ERP27: variants seen among roughly 807,000 people sequenced by gnomAD.
ERP27 encodes endoplasmic reticulum resident protein 27.
Under a neutral mutation model 27.7 loss-of-function variants are expected in ERP27, and 23 were observed. The ratio of observed to expected loss-of-function variants is 0.83; its 90% CI spans 0.60 to 1.18. ERP27 has a LOEUF of 1.18. Ranked by LOEUF, ERP27 falls within the 50% of genes most tolerant of loss-of-function variation. ERP27 has a pLI of 0.00. For synonymous variants in ERP27, 159 were observed against 118.3 expected (o/e 1.34, Z -2.23); for missense variants, 363 against 327.9 (o/e 1.11, Z -0.83).
intron 3 of ERP27, among the ~76,000 whole-genome samples, chr12:14,926,563 T>G (rs1863605748): frequency 6.6e-6 from 1 of 152,232 alleles, no homozygotes; most frequent in Non-Finnish European, 1.5e-5. Flanking sequence ...CTTCTTTCCC[T>G]TTATTGGCTT....
chr12:14,917,496 C>A (rs1425516143), intron 4 of ERP27, among the ~76,000 whole-genome samples, 193 bp from the exon 5 acceptor site: 4 of 136,462 alleles, frequency 2.9e-5, no homozygotes, highest in Non-Finnish European at 6.6e-5. Context: ...ATCCTTCCTT[C>A]CCACCCTGAA....
chr12:14,920,935 A>G lies in ERP27; in HGVS notation c.447T>C (p.Pro149=). Residue 149 remains proline, a synonymous_variant, in exon 4 of 7, where the codon CCT becomes CCC. Coordinates refer to ENST00000266397, the MANE Select transcript of ERP27 (RefSeq NM_152321.4). The part of the protein sequence containing the change: ...NSLHMVTEYN[P]VTVIGLFNSV... The stretch of plus-strand genomic sequence containing the variant: ...AAGAACAGGAAGTATTGTTTACCAC[A>G]GGGTTGTACTCTGTCACCATGTGGA... 2 of 1,613,414 alleles carry G rather than the reference A, an allele frequency of 1.2e-6. No homozygotes were observed. The highest frequency in any genetic ancestry group is 8.5e-7 in the Non-Finnish European group (1 of 1,179,384).
chr12:14,933,540 A>C (rs1863729581), intron 3 of ERP27, among the ~76,000 whole-genome samples: 1 of 152,202 alleles, frequency 6.6e-6, no homozygotes, highest in African/African-American at 2.4e-5. Flanking sequence ...ACAGTACAAA[A>C]TACACTTAAA....
At chr12:14,920,252 A>C (rs566569514) in intron 4 of ERP27, among the ~76,000 whole-genome samples, 1 of 152,342 alleles carries the variant, frequency 6.6e-6, no homozygotes, top group South Asian at 2.1e-4. Context: ...TGCAGCATGC[A>C]ACACCAGAGG....
chr12:14,921,578 T>G (rs1863504846), intron 3 of ERP27, among the ~76,000 whole-genome samples: 1 of 152,202 alleles, frequency 6.6e-6, no homozygotes, highest in South Asian at 2.1e-4. Context: ...GGGGGGTCAT[T>G]GGCAAGGTCA....
chr12:14,922,941 C>A (rs1027693065), intron 3 of ERP27, among the ~76,000 whole-genome samples: 1 of 151,936 alleles, frequency 6.6e-6, no homozygotes, highest in East Asian at 1.9e-4. Context: ...TGGTGGTGCA[C>A]GCCTGTAATG....
chr12:14,928,953 C>T (rs1441275767), intron 3 of ERP27: 1 of 1,535,278 alleles, frequency 6.5e-7, no homozygotes, highest in African/African-American at 1.4e-5. Context: ...ACCTGTATTT[C>T]CAGCTGGCAA....
chr12:14,930,322 C>T (rs1181757469), intron 3 of ERP27, among the ~76,000 whole-genome samples: 1 of 152,068 alleles, frequency 6.6e-6, no homozygotes, highest in African/African-American at 2.4e-5. Context: ...AATAGTTACC[C>T]AATAAATAAC....
intron 3 of ERP27, among the ~76,000 whole-genome samples, chr12:14,931,516 G>A (rs967691824): frequency 5.9e-5 from 9 of 152,300 alleles, no homozygotes; most frequent in African/African-American, 1.9e-4. Flanking sequence ...CAGTGAAGTA[G>A]GGCAGGAACC....
At position 14,915,741 on chromosome 12, in the gene ERP27, T is replaced by A. The variant is rs201790295; in HGVS notation, c.577-55A>T. 8 of 1,489,324 alleles carry A rather than the reference T, an allele frequency of 5.4e-6. No homozygotes were observed. The East Asian group carries it at 1.8e-4, about 34-fold the overall frequency. The allele number at this position is 1,489,324 out of a possible 1,614,324, so 92.3% of individuals were successfully genotyped here. A position where few individuals can be genotyped will look rare whatever the true frequency, so the allele number is the denominator to read the frequency against. ...TTCTATCTGAGGTGACGTCCAGGGA[T>A]AAAGAGATACCTTGTAATTGTTGCA... On this transcript the variant is annotated intron_variant, in intron 5 of 6. Transcript: ENST00000266397.
At chr12:14,926,069 C>CAAAAA (rs35554311) in intron 3 of ERP27, among the ~76,000 whole-genome samples, 1 of 139,316 alleles carries the variant, frequency 7.2e-6, no homozygotes. Flanking sequence ...ACTCTGTCTC[C>CAAAAA]AAAAAAAAAA....
intron 3 of ERP27, among the ~76,000 whole-genome samples, chr12:14,923,093 T>A (rs906804851): frequency 2.1e-5 from 3 of 141,006 alleles, no homozygotes; most frequent in East Asian, 2.2e-4. Flanking sequence ...AAAAAAAAAA[T>A]GCTAAGATCC....
chr12:14,923,441 T>G (rs1863540609), intron 3 of ERP27, among the ~76,000 whole-genome samples: 1 of 151,414 alleles, frequency 6.6e-6, no homozygotes, highest in Non-Finnish European at 1.5e-5. Flanking sequence ...ATAAAAATAA[T>G]ACAATGTAAA....
intron 3 of ERP27, among the ~76,000 whole-genome samples, chr12:14,922,256 T>G (rs750087560): frequency 1.2e-4 from 19 of 152,150 alleles, no homozygotes; most frequent in Non-Finnish European, 2.8e-4. Flanking sequence ...ACCAGTACTG[T>G]GTATGACAGG....
chr12:14,926,412 T>C (rs148154264), intron 3 of ERP27, among the ~76,000 whole-genome samples: 1 of 152,374 alleles, frequency 6.6e-6, no homozygotes, highest in East Asian at 1.9e-4. Flanking sequence ...ATAATCTTTG[T>C]CTTTTAATTG....
intron 2 of ERP27, 164 bp from the exon 3 acceptor site, chr12:14,935,157 A>C (rs1269765946): frequency 1.0e-6 from 1 of 985,312 alleles, no homozygotes; most frequent in Non-Finnish European, 1.2e-6. Flanking sequence ...ACTGGCAGTG[A>C]CATTCTTGAA....
chr12:14,929,048 A>G (rs1357386952), intron 3 of ERP27: 1 of 1,533,606 alleles, frequency 6.5e-7, no homozygotes, highest in African/African-American at 1.4e-5. Context: ...TTAACATTTG[A>G]TGTGTCTAAA....
intron 2 of ERP27, 26 bp from the exon 3 acceptor site, chr12:14,935,019 C>A: frequency 1.2e-6 from 2 of 1,608,990 alleles, no homozygotes; most frequent in East Asian, 4.5e-5. Context: ...AAAATAATAC[C>A]ACAGTGGTTA....
At chr12:14,925,132 T>A (rs1311642551) in intron 3 of ERP27, among the ~76,000 whole-genome samples, 1 of 152,226 alleles carries the variant, frequency 6.6e-6, no homozygotes, top group Admixed American at 6.5e-5. Context: ...ACTTTCTTAA[T>A]AAACTTGCTT....
Sources: gnomAD v4.1 joint callset for allele counts (sites outside exome capture counted in the v4.1 genomes callset) on GRCh38, gnomAD v4.1.1 for gene constraint, MANE v1.5 for transcripts, NCBI Gene and HGNC (gene_info 2026-07-23, HGNC 2026-07-21) for gene names.